The following DDX46 variants were observed in gnomAD, a reference collection of about 807,000 sequenced individuals.
DDX46 encodes the protein DEAD-box helicase 46.
DDX46 carries 30 observed loss-of-function variants against 134.9 expected under a neutral mutation model. The observed-to-expected ratio is 0.22, with a 90% CI of 0.17 to 0.30. The LOEUF is 0.30. DDX46 is among the 10% of genes least tolerant of loss of function. The pLI is 1.00. For synonymous variants in DDX46, 415 were observed against 404.1 expected, an observed-to-expected ratio of 1.03 and a Z score of -0.32; for missense variants, 622 against 1,248.7, an observed-to-expected ratio of 0.50 and a Z score of 7.56.
intron 9 of DDX46, among the ~76,000 whole-genome samples, chr5:134,783,580 ACT>A (rs1388267758): frequency 1.6e-4 from 4 of 25,004 alleles, no homozygotes; most frequent in Non-Finnish European, 3.0e-4. Context: ...ACGGAGTTTC[ACT>A]CTCGTTGCCC....
rs754479215 is a variant in DDX46 at position 134,807,909 on chromosome 5, A to C, written c.2116A>C (p.Arg706=). The C allele has an allele frequency of 1.9e-6, 3 of 1,611,098 alleles. No individual in the cohort carries two copies. Among genetic ancestry groups the C allele is most frequent in the Non-Finnish European group, 2.5e-6 (3 of 1,178,514 alleles). Residue 706 remains arginine, a synonymous_variant, in exon 16 of 23, where the codon AGA becomes CGA. Coordinates refer to ENST00000452510, the MANE Select transcript of DDX46 (RefSeq NM_001300860.2). ...CAACCATTATGAGGATTATGTACAC[A>C]GAGCAGGGCGGACTGGAAGAGCAGG... ...CPNHYEDYVH[R]AGRTGRAGNK...
chr5:134,825,103 G>A (rs1450288262), intron 21 of DDX46, among the ~76,000 whole-genome samples: 3 of 152,060 alleles, frequency 2.0e-5, no homozygotes, highest in East Asian at 1.9e-4. Flanking sequence ...CCAAATTGTC[G>A]GGCTCTGATA....
intron 6 of DDX46, among the ~76,000 whole-genome samples, chr5:134,778,429 T>C (rs1754016463): frequency 6.6e-6 from 1 of 152,148 alleles, no homozygotes; most frequent in Admixed American, 6.6e-5. Context: ...AGTATGTCCC[T>C]TCTCCCTTCT....
chr5:134,802,130 C>G lies in DDX46; in HGVS notation c.1955-5618C>G, dbSNP rs531970851. ...AGTCTTTTTCAACCTTTTTTTTCCCCTCTGTAGATCAAATTGGATAATTTC... is the reference window on the plus strand; with the variant it reads ...AGTCTTTTTCAACCTTTTTTTTCCCGTCTGTAGATCAAATTGGATAATTTC... On this transcript the variant is annotated intron_variant, in intron 15 of 22. Coordinates refer to ENST00000452510, the MANE Select transcript of DDX46 (RefSeq NM_001300860.2). 2.0e-5 allele frequency among the ~76,000 whole-genome samples: 3 copies of G among 147,504 alleles called. No individual in the cohort carries two copies. In the South Asian group the frequency reaches 6.5e-4, roughly 32 times the overall value.
At position 134,830,302 on chromosome 5, in the gene DDX46, A is replaced by G. The variant is rs1755703020; in HGVS notation, c.*1596A>G. The G allele has an allele frequency of 6.6e-6, 1 of 152,062 alleles. No individual in the cohort carries two copies. Among genetic ancestry groups the G allele is most frequent in the Non-Finnish European group, 1.5e-5 (1 of 67,964 alleles). 9.4% of individuals were successfully genotyped at this position (152,062 alleles called of 1,614,324 possible). ...TAAAGGTTACAGTATACAGGCGGTTAAAGTATACAGGAGGATGTGCATCGG... is the reference window on the plus strand; with the variant it reads ...TAAAGGTTACAGTATACAGGCGGTTGAAGTATACAGGAGGATGTGCATCGG... On this transcript the variant is annotated 3_prime_UTR_variant, in exon 23 of 23. Coordinates refer to ENST00000452510, the MANE Select transcript of DDX46 (RefSeq NM_001300860.2).
At chr5:134,805,899 G>A (rs144005359) in intron 15 of DDX46, among the ~76,000 whole-genome samples, 411 of 152,134 alleles carry the variant, frequency 2.7e-3, no homozygotes, top group Non-Finnish European at 2.7e-3. Context: ...CTTTGGGTGC[G>A]GGTTCTTATT....
chr5:134,812,590 A>G (rs530199084), intron 18 of DDX46, among the ~76,000 whole-genome samples: 4 of 152,278 alleles, frequency 2.6e-5, no homozygotes, highest in African/African-American at 7.2e-5. Flanking sequence ...CAGGACCAGA[A>G]CCCAGTTGTC....
At chr5:134,772,725 T>G (rs1394906089) in intron 4 of DDX46, among the ~76,000 whole-genome samples, 1 of 152,158 alleles carries the variant, frequency 6.6e-6, no homozygotes, top group East Asian at 1.9e-4. Flanking sequence ...AGACTGGTCT[T>G]GAACTCCTGA....
At chr5:134,800,872 C>T (rs761093544) in intron 15 of DDX46, among the ~76,000 whole-genome samples, 3 of 152,228 alleles carry the variant, frequency 2.0e-5, no homozygotes, top group South Asian at 4.1e-4. Flanking sequence ...GATGGGTTGT[C>T]GTCATGTTGG....
intron 12 of DDX46, 63 bp from the exon 13 acceptor site, chr5:134,790,407 C>T: frequency 7.6e-6 from 11 of 1,444,538 alleles, no homozygotes; most frequent in Non-Finnish European, 1.0e-5. Context: ...TCTTGGTAGC[C>T]ATAAAATGAA....
At chr5:134,769,915 C>T (rs1197422775) in intron 3 of DDX46, among the ~76,000 whole-genome samples, 1 of 152,140 alleles carries the variant, frequency 6.6e-6, no homozygotes, top group Non-Finnish European at 1.5e-5. Flanking sequence ...CCTGCCTTGG[C>T]CTCTCAAAGT....
At chr5:134,777,805 G>T in intron 6 of DDX46, 80 bp downstream of exon 6, 1 of 1,465,932 alleles carries the variant, frequency 6.8e-7, no homozygotes, top group South Asian at 1.5e-5. Flanking sequence ...CTACTGATTG[G>T]CATGACTTTG....
intron 15 of DDX46, among the ~76,000 whole-genome samples, chr5:134,801,857 C>T (rs1028899748): frequency 5.9e-5 from 9 of 151,980 alleles, no homozygotes; most frequent in African/African-American, 1.9e-4. Flanking sequence ...GTGTGAATGT[C>T]AGCTTTCATT....
At chr5:134,765,382 A>T (rs1257413629) in intron 2 of DDX46, among the ~76,000 whole-genome samples, 2 of 100,476 alleles carry the variant, frequency 2.0e-5, no homozygotes, top group East Asian at 4.0e-4. Flanking sequence ...CGTCTCTACT[A>T]AAAAAAAAAA....
intron 6 of DDX46, among the ~76,000 whole-genome samples, chr5:134,778,430 T>A (rs1436205207): frequency 6.6e-6 from 1 of 152,128 alleles, no homozygotes; most frequent in East Asian, 1.9e-4. Context: ...GTATGTCCCT[T>A]CTCCCTTCTA....
At chr5:134,788,310 T>G (rs1340214863) in intron 11 of DDX46, among the ~76,000 whole-genome samples, 1 of 152,136 alleles carries the variant, frequency 6.6e-6, no homozygotes, top group African/African-American at 2.4e-5. Flanking sequence ...ATTTGCAGAA[T>G]TCTCTAGTTC....
chr5:134,797,504 T>C (rs184477953), intron 15 of DDX46, among the ~76,000 whole-genome samples: 6 of 152,294 alleles, frequency 3.9e-5, no homozygotes, highest in African/African-American at 1.4e-4. Context: ...TGGGCCTCTC[T>C]ATGAGGCTGC....
chr5:134,805,796 G>T, intron 15 of DDX46, among the ~76,000 whole-genome samples: 1 of 152,066 alleles, frequency 6.6e-6, no homozygotes, highest in Non-Finnish European at 1.5e-5. Context: ...GCCTCCGAAA[G>T]TGCTGGGATT....
In DDX46 at chr5:134,763,918, G is replaced by T; in HGVS notation, c.32G>T (p.Arg11Leu). 1 of 1,614,022 alleles carries T rather than the reference G, an allele frequency of 6.2e-7. No individual in the cohort carries two copies. Among genetic ancestry groups the T allele is most frequent in the Non-Finnish European group, 8.5e-7 (1 of 1,179,954 alleles). The stretch of plus-strand genomic sequence containing the variant: ...TATTGTTCTAGCCACTATCGAAAAC[G>T]ATCGGCATCCCGGGGTCGCTCTGGA... MGRESRHYRK[R>L]SASRGRSGSR... The change falls in exon 2 of 23, where the codon CGA becomes CTA. Residue 11 changes from arginine to leucine, a missense_variant. Around this residue, in one of 8 missense-constraint regions of DDX46, gnomAD observed 244 missense variants for 349.3 expected, o/e 0.70. Coordinates refer to ENST00000452510, the MANE Select transcript of DDX46 (RefSeq NM_001300860.2).
Sources: gnomAD v4.1 joint callset for allele counts (sites outside exome capture counted in the v4.1 genomes callset) on GRCh38, gnomAD v4.1.1 for gene constraint, gnomAD v4.1.1 regional missense constraint, MANE v1.5 for transcripts, NCBI Gene and HGNC (gene_info 2026-07-23, HGNC 2026-07-21) for gene names.